The following DEPTOR variants were observed in gnomAD, a reference collection of about 807,000 sequenced individuals.
The protein encoded by DEPTOR is DEP domain containing MTOR interacting protein.
DEPTOR carries 41 observed loss-of-function variants against 41.6 expected under a neutral mutation model. The ratio of observed to expected loss-of-function variants is 0.98; its 90% CI spans 0.77 to 1.28. The LOEUF is 1.28. DEPTOR is among the 50% of genes most tolerant of loss of function. The pLI is 0.00. For synonymous variants in DEPTOR, 195 were observed against 192.3 expected (o/e 1.01, Z -0.12); for missense variants, 514 against 527.9 (o/e 0.97, Z 0.26).
chr8:120,020,405 G>A (rs1301205564), intron 8 of DEPTOR, among the ~76,000 whole-genome samples: 1 of 151,900 alleles, frequency 6.6e-6, no homozygotes, highest in African/African-American at 2.4e-5. Flanking sequence ...AGACAGGGTC[G>A]CACTTTGTTA....
intron 7 of DEPTOR, among the ~76,000 whole-genome samples, chr8:120,008,180 C>G (rs1328786828): frequency 1.3e-5 from 2 of 152,106 alleles, no homozygotes; most frequent in African/African-American, 2.4e-5. Context: ...TACTTTTTCA[C>G]TTCTTTTCCC....
chr8:120,017,003 TA>T, intron 8 of DEPTOR, among the ~76,000 whole-genome samples: 1 of 152,346 alleles, frequency 6.6e-6, no homozygotes, highest in African/African-American at 2.4e-5. Context: ...TGATTATATG[TA>T]TTTATATGTT....
At chr8:120,006,260 A>G (rs1472362624) in intron 6 of DEPTOR, among the ~76,000 whole-genome samples, 1 of 152,144 alleles carries the variant, frequency 6.6e-6, no homozygotes, top group Admixed American at 6.6e-5. Context: ...TGGGCGGCTC[A>G]TGCGTGTAAT....
At chr8:119,886,613 T>C (rs1827368572) in intron 1 of DEPTOR, among the ~76,000 whole-genome samples, 1 of 152,130 alleles carries the variant, frequency 6.6e-6, no homozygotes, top group Non-Finnish European at 1.5e-5. Flanking sequence ...AAAACTGCGC[T>C]GGTTAATATA....
intron 1 of DEPTOR, among the ~76,000 whole-genome samples, chr8:119,890,329 G>T (rs555872046): frequency 2.6e-5 from 4 of 151,554 alleles, no homozygotes; most frequent in Non-Finnish European, 4.4e-5. Flanking sequence ...TTGAGACAGG[G>T]TCTCACTCTG....
chr8:120,007,408 T>C (rs1351062198), intron 7 of DEPTOR, among the ~76,000 whole-genome samples: 1 of 152,120 alleles, frequency 6.6e-6, no homozygotes, highest in Non-Finnish European at 1.5e-5. Context: ...AATGTGTGCA[T>C]GCCTTGAGGT....
chr8:120,043,757 A>G (rs1813114533), intron 8 of DEPTOR, among the ~76,000 whole-genome samples: 1 of 152,130 alleles, frequency 6.6e-6, no homozygotes, highest in Non-Finnish European at 1.5e-5. Context: ...CATGCCTGCA[A>G]TTCCAGCACT....
chr8:119,928,718 C>A, intron 2 of DEPTOR, 140 bp downstream of exon 2: 2 of 834,718 alleles, frequency 2.4e-6, no homozygotes, highest in Non-Finnish European at 3.4e-6. Context: ...TTTCTTCCTG[C>A]CTCTAAGAGG....
intron 1 of DEPTOR, among the ~76,000 whole-genome samples, chr8:119,895,510 G>C (rs946113815): frequency 6.6e-6 from 1 of 152,194 alleles, no homozygotes; most frequent in African/African-American, 2.4e-5. Context: ...TGTTCCTCAG[G>C]GGGTACCCTA....
intron 3 of DEPTOR, among the ~76,000 whole-genome samples, chr8:119,956,799 A>G (rs1828424675): frequency 6.7e-6 from 1 of 148,728 alleles, no homozygotes; most frequent in African/African-American, 2.5e-5. Flanking sequence ...CAATGTCACA[A>G]TCTCAGCTCA....
chr8:120,049,854 C>A lies in DEPTOR; in HGVS notation c.*150C>A. 1.1e-6 allele frequency: 1 copy of A among 899,358 alleles called. No individual in the cohort carries two copies. Among genetic ancestry groups the A allele is most frequent in the Non-Finnish European group, 1.6e-6 (1 of 645,064 alleles). 55.7% of individuals were successfully genotyped at this position (899,358 alleles called of 1,614,324 possible). ...TACATGTCTAAAGTTGAGTTTTATA[C>A]ACTGAATGTGGAAGAACCGGGTATC... On this transcript the variant is annotated 3_prime_UTR_variant, in exon 9 of 9. Transcript: ENST00000286234.
intron 3 of DEPTOR, among the ~76,000 whole-genome samples, chr8:119,956,132 A>G (rs1828414197): frequency 6.6e-6 from 1 of 152,222 alleles, no homozygotes; most frequent in East Asian, 1.9e-4. Context: ...ATATAATTAA[A>G]TGATGGTTAT....
intron 1 of DEPTOR, among the ~76,000 whole-genome samples, chr8:119,919,585 C>G (rs1879149): frequency 0.28 from 42,596 of 151,930 alleles, 6,415 homozygotes; most frequent in Middle Eastern, 0.4. Context: ...AGTCTTTCAA[C>G]GGTGTGTGAT....
chr8:120,042,455 C>T (rs1289924933), intron 8 of DEPTOR, among the ~76,000 whole-genome samples: 1 of 152,202 alleles, frequency 6.6e-6, no homozygotes, highest in East Asian at 1.9e-4. Flanking sequence ...GCTGGAACCA[C>T]AGCAGTTGTT....
intron 1 of DEPTOR, among the ~76,000 whole-genome samples, chr8:119,890,048 T>A (rs1827431799): frequency 1.3e-5 from 2 of 152,046 alleles, no homozygotes; most frequent in Non-Finnish European, 2.9e-5. Context: ...CACTGGAACA[T>A]CTGCCTCCTG....
intron 4 of DEPTOR, among the ~76,000 whole-genome samples, chr8:119,977,931 T>A (rs1828717037): frequency 6.6e-6 from 1 of 152,134 alleles, no homozygotes; most frequent in Non-Finnish European, 1.5e-5. Flanking sequence ...AGTTCTGGGA[T>A]TACAGGCATG....
At chr8:119,910,739 C>T (rs887793048) in intron 1 of DEPTOR, among the ~76,000 whole-genome samples, 21 of 152,116 alleles carry the variant, frequency 1.4e-4, no homozygotes, top group Non-Finnish European at 3.1e-4. Flanking sequence ...CTGCGCCCAG[C>T]CCCCAGGCTT....
intron 1 of DEPTOR, among the ~76,000 whole-genome samples, chr8:119,881,850 A>C (rs1402487265): frequency 1.3e-5 from 2 of 152,124 alleles, no homozygotes; most frequent in Non-Finnish European, 2.9e-5. Context: ...AATGGTCAAG[A>C]GCCTAATTCA....
At chr8:119,886,579 C>A (rs1280232420) in intron 1 of DEPTOR, among the ~76,000 whole-genome samples, 1 of 152,108 alleles carries the variant, frequency 6.6e-6, no homozygotes, top group Non-Finnish European at 1.5e-5. Flanking sequence ...GATTCACGCA[C>A]AACCCTATTC....
Sources: allele counts gnomAD v4.1 joint callset (sites outside exome capture counted in the v4.1 genomes callset), GRCh38; gene constraint gnomAD v4.1.1; transcripts MANE v1.5; gene names NCBI Gene and HGNC (gene_info 2026-07-23, HGNC 2026-07-21).